BSPRY: variants seen among roughly 807,000 people sequenced by gnomAD.
The protein encoded by BSPRY is B box and SPRY domain-containing protein.
In BSPRY, 33 loss-of-function variants were observed where a neutral mutation model predicts 38.0. The observed-to-expected ratio is 0.87, with a 90% confidence interval of 0.66 to 1.16. The LOEUF (loss-of-function observed/expected upper bound fraction) is 1.16. BSPRY is among the 50% of genes most tolerant of loss of function. The pLI is 0.00. For synonymous variants in BSPRY, 224 were observed against 228.5 expected (o/e 0.98, Z 0.18); for missense variants, 523 against 533.2 (o/e 0.98, Z 0.19).
At chr9:113,359,277 A>G (rs1011096559) in intron 2 of BSPRY, among the ~76,000 whole-genome samples, 3 of 152,126 alleles carry the variant, frequency 2.0e-5, no homozygotes, top group Non-Finnish European at 4.4e-5. Flanking sequence ...GTTAAGATTT[A>G]AATCTACACA....
intron 2 of BSPRY, among the ~76,000 whole-genome samples, chr9:113,357,934 ATATATATATC>A (rs1834089017): frequency 2.2e-5 from 1 of 45,650 alleles, no homozygotes; most frequent in African/African-American, 1.5e-4. Context: ...ATATATATAT[ATATATATATC>A]TCTATTAAGC....
rs891806843 is a variant in BSPRY at position 113,354,311 on chromosome 9, C to T, written c.273C>T (p.Val91=). The T allele has an allele frequency of 6.2e-7, 1 of 1,613,988 alleles. No individual in the cohort carries two copies. The highest frequency in any genetic ancestry group is 8.5e-7 in the Non-Finnish European group (1 of 1,179,986). ...SAAITKYVAD[V]LPGKNQRAVS... is the part of the protein sequence containing the mutation. ...CCATCACCAAGTATGTGGCGGACGT[C>T]CTGCCGGGGAAGAATCAAAGAGCAG... is the stretch of plus-strand genomic sequence containing the variant. Residue 91 remains valine (V), a synonymous_variant, in exon 2 of 6, where the codon GTC becomes GTT. Coordinates refer to ENST00000374183, the MANE Select transcript of BSPRY (RefSeq NM_017688.3).
chr9:113,369,415 A>G (rs10121150), intron 5 of BSPRY, among the ~76,000 whole-genome samples: 31,443 of 152,058 alleles, frequency 0.21, 3,347 homozygotes, highest in Middle Eastern at 0.31. Flanking sequence ...GGCACTTTAC[A>G]TGTATGATTC....
chr9:113,360,007 A>C (rs983565390), intron 2 of BSPRY, among the ~76,000 whole-genome samples: 2 of 152,230 alleles, frequency 1.3e-5, no homozygotes, highest in Non-Finnish European at 2.9e-5. Flanking sequence ...CTTCTGTGGC[A>C]GATAAAAATT....
chr9:113,366,815 T>G (rs1226281163), intron 4 of BSPRY, among the ~76,000 whole-genome samples: 1 of 152,324 alleles, frequency 6.6e-6, no homozygotes, highest in Non-Finnish European at 1.5e-5. Context: ...TCTGTTCACC[T>G]TATACCTCCC....
At chr9:113,361,540 C>T (rs1834152731) in intron 3 of BSPRY, among the ~76,000 whole-genome samples, 1 of 152,122 alleles carries the variant, frequency 6.6e-6, no homozygotes, top group Non-Finnish European at 1.5e-5. Flanking sequence ...GAGGAACTCA[C>T]CCATGCTAGG....
rs1282014679 is a variant in BSPRY, at chr9:113,360,555, G to A, written c.349G>A (p.Val117Met). 1.2e-6 allele frequency: 2 copies of A among 1,607,418 alleles called. No homozygotes were observed. Among genetic ancestry groups the A allele is most frequent in the East Asian group, 2.2e-5 (1 of 44,750 alleles). ...RELVIQRLSL[V>M]RSLCESEEQR... ...ACTGGTTATCCAGCGGTTGAGTCTG[G>A]TGAGGAGTCTTTGCGAGAGCGAGGA... The change falls in exon 3 of 6, where the codon GTG (valine) becomes ATG (methionine). Residue 117 changes from valine to methionine, a missense_variant. Val to Met is a conservative substitution (Grantham distance 21). Transcript: ENST00000374183.
Position 113,362,384 on chromosome 9 carries a change from A to G in BSPRY, c.547A>G (p.Ile183Val). Residue 183 changes from isoleucine to valine, a missense_variant, in exon 4 of 6, where the codon ATT becomes GTT. Transcript: ENST00000374183. ...TTTCTCACAGCAGAAGGAGCAAGAG[A>G]TTTTCGAGAGGTGAGTATAGACCCC... ...DLQLIQKEQE[I>V]FERTEEAEGI... 1.2e-6 allele frequency: 2 copies of G among 1,613,922 alleles called. No homozygotes were observed. The highest frequency in any genetic ancestry group is 1.7e-6 in the Non-Finnish European group (2 of 1,179,984).
chr9:113,370,277 A>AG lies in BSPRY; in HGVS notation c.*138dup. 9.2e-7 allele frequency: 1 copy of AG among 1,083,968 alleles called. No individual in the cohort carries two copies. The highest frequency in any genetic ancestry group is 3.1e-5 in the Admixed American group (1 of 32,306). The allele number at this position is 1,083,968 out of a possible 1,614,324, so 67.1% of individuals were successfully genotyped here. ...CCCATAACCAGTGGGCAGCTTTAGG[A>AG]GGGATGGGGATCTGTTTCAGATCTA... On this transcript the variant is annotated 3_prime_UTR_variant, in exon 6 of 6. Transcript: ENST00000374183. This position sits in a 1 kb window ranked among gnomAD's most constrained non-coding sequence, Gnocchi z 4.8.
At chr9:113,357,018 T>C (rs1378369177) in intron 2 of BSPRY, among the ~76,000 whole-genome samples, 1 of 152,140 alleles carries the variant, frequency 6.6e-6, no homozygotes, top group Non-Finnish European at 1.5e-5. Flanking sequence ...ATAAATAGTA[T>C]TGAAAGCCGT....
chr9:113,362,299 A>T (rs1834168056), intron 3 of BSPRY, 70 bp from the exon 4 acceptor site: 28 of 1,565,528 alleles, frequency 1.8e-5, no homozygotes, highest in Non-Finnish European at 2.5e-5. Flanking sequence ...CTGGTAGTTA[A>T]ATCTGTCTTA....
intron 5 of BSPRY, 128 bp from the exon 6 acceptor site, chr9:113,369,488 C>T: frequency 1.0e-6 from 1 of 960,246 alleles, no homozygotes; most frequent in Non-Finnish European, 1.6e-6. Context: ...GCAGACAAGG[C>T]TCAGAGAGAG....
chr9:113,368,413 G>A, intron 5 of BSPRY, 30 bp downstream of exon 5: 1 of 1,606,192 alleles, frequency 6.2e-7, no homozygotes, highest in Non-Finnish European at 8.5e-7. Context: ...AGGACCATTA[G>A]GACAACTGGG....
At chr9:113,356,320 C>T (rs931806884) in intron 2 of BSPRY, among the ~76,000 whole-genome samples, 153 of 152,048 alleles carry the variant, frequency 1.0e-3, no homozygotes, top group African/African-American at 3.0e-3. Context: ...CTGGCTAACG[C>T]GGTGAAACCC....
intron 1 of BSPRY, 146 bp downstream of exon 1, chr9:113,349,926 GA>G: frequency 3.6e-6 from 4 of 1,111,104 alleles, no homozygotes; most frequent in Non-Finnish European, 4.5e-6. Flanking sequence ...TTGGCTGTAG[GA>G]CTAGGCGGTT....
rs1003988339 is a variant in BSPRY at position 113,366,534 on chromosome 9, C to T, written c.558-1725C>T. ...GATCCTGGCCAGGGCCTGCTGTGTT[C>T]AGGCCCTTTTTCATTTCCACCCCTT... On this transcript the variant is annotated intron_variant, in intron 4 of 5. Coordinates refer to ENST00000374183, the MANE Select transcript of BSPRY (RefSeq NM_017688.3). Among the ~76,000 whole-genome samples, 10 of 152,230 alleles carry T rather than the reference C, an allele frequency of 6.6e-5. 1 individual carries two copies. The highest frequency in any genetic ancestry group is 2.4e-4 in the African/African-American group (10 of 41,470).
chr9:113,359,177 C>T (rs979467683), intron 2 of BSPRY, among the ~76,000 whole-genome samples: 3 of 152,102 alleles, frequency 2.0e-5, no homozygotes, highest in African/African-American at 7.2e-5. Context: ...GAGGTAGGTA[C>T]TATTATTATC....
intron 3 of BSPRY, among the ~76,000 whole-genome samples, chr9:113,361,045 C>T (rs1055962953): frequency 6.6e-6 from 1 of 152,152 alleles, no homozygotes; most frequent in Non-Finnish European, 1.5e-5. Flanking sequence ...ACCACCATCC[C>T]CTAGGTGATG....
intron 1 of BSPRY, 42 bp from the exon 2 acceptor site, chr9:113,354,198 G>C: frequency 1.3e-6 from 2 of 1,540,768 alleles, no homozygotes; most frequent in Non-Finnish European, 1.8e-6. Context: ...GAATGGCTCA[G>C]GTACATGGAC....
Sources: gnomAD v4.1 joint callset for allele counts (sites outside exome capture counted in the v4.1 genomes callset) on GRCh38, gnomAD v4.1.1 for gene constraint, Gnocchi (gnomAD v3.1) non-coding constraint, MANE v1.5 for transcripts, NCBI Gene and HGNC (gene_info 2026-07-23, HGNC 2026-07-21) for gene names.